The following MAGI1 variants were observed in gnomAD, a reference collection of about 807,000 sequenced individuals.
The protein encoded by MAGI1 is membrane associated guanylate kinase, WW and PDZ domain containing 1, also known as membrane-associated guanylate kinase, WW and PDZ domain-containing protein 1.
MAGI1 carries 58 observed loss-of-function variants against 139.9 expected under a neutral mutation model. The observed-to-expected ratio is 0.41, with a 90% CI of 0.34 to 0.52. The LOEUF (loss-of-function observed/expected upper bound fraction) is 0.52. MAGI1 is among the 20% of genes least tolerant of loss of function. MAGI1 has a pLI of 0.12. For synonymous variants in MAGI1, 812 were observed against 737.9 expected, an observed-to-expected ratio of 1.10 and a Z score of -1.63; for missense variants, 1,874 against 1,901.6, an observed-to-expected ratio of 0.99 and a Z score of 0.27.
At chr3:65,946,760 C>T (rs573817174) in intron 1 of MAGI1, among the ~76,000 whole-genome samples, 4 of 152,100 alleles carry the variant, frequency 2.6e-5, no homozygotes, top group Admixed American at 2.6e-4. Context: ...GACAAGAAAA[C>T]GAAAAACAAT....
intron 22 of MAGI1, chr3:65,360,123 C>T: frequency 1.0e-6 from 1 of 985,332 alleles, no homozygotes; most frequent in Non-Finnish European, 1.2e-6. Context: ...GGCTGGCCCT[C>T]CAAGGAGCTA....
chr3:65,622,591 T>G (rs2083742614), intron 1 of MAGI1, among the ~76,000 whole-genome samples: 1 of 151,794 alleles, frequency 6.6e-6, no homozygotes, highest in African/African-American at 2.4e-5. Flanking sequence ...TGAAACGGAG[T>G]CTTATTCTGT....
At chr3:65,706,447 A>C (rs1440012928) in intron 1 of MAGI1, among the ~76,000 whole-genome samples, 1 of 152,134 alleles carries the variant, frequency 6.6e-6, no homozygotes, top group Non-Finnish European at 1.5e-5. Context: ...TGACTTAACA[A>C]ATGTGCGCCC....
chr3:65,873,284 T>C (rs2108496088), intron 1 of MAGI1: 1 of 152,318 alleles, frequency 6.6e-6, no homozygotes, highest in African/African-American at 2.4e-5. Flanking sequence ...CATCTGCTGC[T>C]CTCTGGACCC....
chr3:65,837,891 G>C (rs1199863023), intron 1 of MAGI1, among the ~76,000 whole-genome samples: 1 of 152,072 alleles, frequency 6.6e-6, no homozygotes, highest in Non-Finnish European at 1.5e-5. Context: ...ACCCATGAAG[G>C]TCTTATTTTT....
chr3:65,975,381 G>A (rs1017419905), intron 1 of MAGI1, among the ~76,000 whole-genome samples: 1 of 152,132 alleles, frequency 6.6e-6, no homozygotes, highest in South Asian at 2.1e-4. Context: ...TTGAAATGCT[G>A]GGGTCTTCGA....
chr3:65,906,984 G>T (rs1366813978), intron 1 of MAGI1, among the ~76,000 whole-genome samples: 1 of 149,656 alleles, frequency 6.7e-6, no homozygotes, highest in Non-Finnish European at 1.5e-5. Flanking sequence ...CAGTGGTAGA[G>T]AAATGAGATT....
At chr3:65,737,165 G>A (rs1397399713) in intron 1 of MAGI1, among the ~76,000 whole-genome samples, 2 of 152,092 alleles carry the variant, frequency 1.3e-5, no homozygotes, top group Non-Finnish European at 2.9e-5. Flanking sequence ...CACCACGCCT[G>A]GCTAATTTTT....
intron 1 of MAGI1, among the ~76,000 whole-genome samples, chr3:65,772,273 C>T (rs2038019987): frequency 6.6e-6 from 1 of 152,212 alleles, no homozygotes; most frequent in Non-Finnish European, 1.5e-5. Context: ...CCAATTTCCT[C>T]TTTCCTCATC....
At chr3:65,531,728 C>G (rs1352309492) in intron 2 of MAGI1, among the ~76,000 whole-genome samples, 2 of 152,116 alleles carry the variant, frequency 1.3e-5, no homozygotes, top group Non-Finnish European at 2.9e-5. Flanking sequence ...TGAGTCATGG[C>G]TCTTCCAGTT....
At chr3:65,662,836 G>A (rs540105254) in intron 1 of MAGI1, among the ~76,000 whole-genome samples, 1 of 152,072 alleles carries the variant, frequency 6.6e-6, no homozygotes, top group Non-Finnish European at 1.5e-5. Context: ...TACACATTAT[G>A]ACCTACATCT....
chr3:65,658,809 T>C (rs1250928414), intron 1 of MAGI1, among the ~76,000 whole-genome samples: 2 of 152,210 alleles, frequency 1.3e-5, no homozygotes, highest in Non-Finnish European at 2.9e-5. Context: ...CAAAACGAAG[T>C]GAAATAAGTG....
At chr3:65,994,952 G>A (rs1576396698) in intron 1 of MAGI1, among the ~76,000 whole-genome samples, 1 of 152,204 alleles carries the variant, frequency 6.6e-6, no homozygotes, top group Non-Finnish European at 1.5e-5. Context: ...TTGCAGAGAG[G>A]AAATTAACTC....
At chr3:65,779,729 T>C (rs2038776626) in intron 1 of MAGI1, among the ~76,000 whole-genome samples, 2 of 152,234 alleles carry the variant, frequency 1.3e-5, no homozygotes, top group African/African-American at 4.8e-5. Context: ...TGAATTTTAT[T>C]CGCACCATGG....
At chr3:65,999,725 C>T (rs892335078) in intron 1 of MAGI1, among the ~76,000 whole-genome samples, 1 of 152,058 alleles carries the variant, frequency 6.6e-6, no homozygotes, top group African/African-American at 2.4e-5. Flanking sequence ...CAATGCTCCA[C>T]AATCGTTTTG....
chr3:65,461,503 T>TC (rs1949790970), intron 5 of MAGI1, among the ~76,000 whole-genome samples: 1 of 148,634 alleles, frequency 6.7e-6, no homozygotes, highest in Admixed American at 6.7e-5. Context: ...TTTTTTTTTT[T>TC]TTTAAGACAG....
chr3:65,855,160 C>G (rs981046103), intron 1 of MAGI1, among the ~76,000 whole-genome samples: 1 of 151,940 alleles, frequency 6.6e-6, no homozygotes, highest in Non-Finnish European at 1.5e-5. Context: ...CCCTAACCAG[C>G]AGACAGGATG....
chr3:65,463,558 A>ATATGTGTGTGTGTGTGTGTGTG (rs1491281941), intron 5 of MAGI1, among the ~76,000 whole-genome samples: 1 of 140,748 alleles, frequency 7.1e-6, no homozygotes, highest in Non-Finnish European at 1.5e-5. Context: ...TTGGCCTGAA[A>ATATGTGTGTGTGTGTGTGTGTG]TGTGTGTGTG....
chr3:65,844,364 C>A, intron 1 of MAGI1: 1 of 327,144 alleles, frequency 3.1e-6, no homozygotes, highest in Admixed American at 4.1e-5. Context: ...CAAATTGTTC[C>A]TAAAGCAGAA....
Sources: allele counts gnomAD v4.1 joint callset (sites outside exome capture counted in the v4.1 genomes callset), GRCh38; gene constraint gnomAD v4.1.1; transcripts MANE v1.5; gene names NCBI Gene and HGNC (gene_info 2026-07-23, HGNC 2026-07-21).